Variants in LARGE1 observed in about 807,000 individuals in gnomAD.
LARGE1 encodes xylosyl- and glucuronyltransferase LARGE1.
Under a neutral mutation model 87.6 loss-of-function variants are expected in LARGE1, and 43 were observed. The observed-to-expected ratio is 0.49, with a 90% confidence interval of 0.38 to 0.63. LARGE1 has a LOEUF of 0.63. Ranked by LOEUF, LARGE1 falls within the 30% of genes least tolerant of loss-of-function variation. The probability of loss-of-function intolerance (pLI) is 0.00; values close to 1 mark genes in which losing one functional copy is unlikely to be tolerated. For missense variants in LARGE1, 802 were observed against 1,000.2 expected, an observed-to-expected ratio of 0.80 and a Z score of 2.67; for synonymous variants, 434 against 394.6, an observed-to-expected ratio of 1.10 and a Z score of -1.18.
intron 11 of LARGE1, among the ~76,000 whole-genome samples, chr22:33,310,183 T>C (rs8139322): frequency 0.16 from 23,654 of 152,044 alleles, 2,026 homozygotes; most frequent in South Asian, 0.24. Context: ...TGTTGCTGGT[T>C]CCAGGAGCAG....
rs8138235 is a variant in LARGE1, at chr22:33,336,358, G to A, written c.1287+1288C>T. On this transcript the variant is annotated intron_variant, in intron 10 of 14. Coordinates refer to ENST00000397394, the MANE Select transcript of LARGE1 (RefSeq NM_133642.5). The stretch of plus-strand genomic sequence containing the variant: ...TGGGATTATAGGTGCCTGCCACCAT[G>A]CCTGGTAATTTTTGTATTTTTAGTA... Among the ~76,000 whole-genome samples, 1,091 of 152,038 alleles carry A rather than the reference G, an allele frequency of 7.2e-3. 9 individuals are homozygous for A. The highest frequency in any genetic ancestry group is 0.024 in the African/African-American group (983 of 41,456).
intron 2 of LARGE1, among the ~76,000 whole-genome samples, chr22:33,667,902 TTTATC>T (rs2081311908): frequency 6.6e-6 from 1 of 152,226 alleles, no homozygotes; most frequent in South Asian, 2.1e-4. Flanking sequence ...GCCACACACT[TTTATC>T]TTTTCTTTTT....
intron 11 of LARGE1, among the ~76,000 whole-genome samples, chr22:33,185,446 T>G (rs1239170593): frequency 6.6e-6 from 1 of 152,162 alleles, no homozygotes; most frequent in Non-Finnish European, 1.5e-5. Context: ...TTTAGGGCAG[T>G]TAAACTATGT....
At chr22:33,178,420 T>C (rs775583997) in intron 11 of LARGE1, among the ~76,000 whole-genome samples, 1 of 152,150 alleles carries the variant, frequency 6.6e-6, no homozygotes, top group Non-Finnish European at 1.5e-5. Flanking sequence ...GTGAAGGTGA[T>C]ACTCATGAAG....
chr22:33,269,252 T>C (rs1928119050), downstream of LARGE1, among the ~76,000 whole-genome samples: 1 of 152,232 alleles, frequency 6.6e-6, no homozygotes, highest in Non-Finnish European at 1.5e-5. Context: ...CCTTGCAATT[T>C]TCCTGTTAGT....
intron 2 of LARGE1, among the ~76,000 whole-genome samples, chr22:33,700,511 C>T (rs930312412): frequency 1.3e-5 from 2 of 152,084 alleles, no homozygotes; most frequent in Admixed American, 6.5e-5. Flanking sequence ...GGCGGGGGTG[C>T]CAGAACTATG....
At chr22:33,491,846 G>A in intron 6 of LARGE1, among the ~76,000 whole-genome samples, 1 of 152,160 alleles carries the variant, frequency 6.6e-6, no homozygotes, top group Non-Finnish European at 1.5e-5. Context: ...TTCAAGATGT[G>A]GCTAAATTAC....
chr22:33,281,731 G>C (rs1930480344), intron 13 of LARGE1, among the ~76,000 whole-genome samples: 1 of 152,186 alleles, frequency 6.6e-6, no homozygotes, highest in Non-Finnish European at 1.5e-5. Flanking sequence ...ATTCTGGATA[G>C]AGGAAGAAGC....
intron 11 of LARGE1, among the ~76,000 whole-genome samples, chr22:33,201,677 G>A (rs1414023100): frequency 2.6e-5 from 4 of 152,150 alleles, no homozygotes; most frequent in Admixed American, 6.5e-5. Context: ...AGTGTGGCCT[G>A]AGTAAAGAAA....
intron 6 of LARGE1, among the ~76,000 whole-genome samples, chr22:33,452,637 G>C (rs2067978577): frequency 6.6e-6 from 1 of 152,194 alleles, no homozygotes; most frequent in Non-Finnish European, 1.5e-5. Flanking sequence ...AATCGGTGAG[G>C]AAGGCCACAC....
At chr22:33,389,538 G>T (rs755032230) in intron 7 of LARGE1, among the ~76,000 whole-genome samples, 4 of 152,210 alleles carry the variant, frequency 2.6e-5, no homozygotes, top group Non-Finnish European at 4.4e-5. Flanking sequence ...GACTACAACA[G>T]AATCTGTTTT....
At chr22:33,559,335 C>A in intron 6 of LARGE1, among the ~76,000 whole-genome samples, 1 of 152,192 alleles carries the variant, frequency 6.6e-6, no homozygotes, top group Admixed American at 6.5e-5. Flanking sequence ...GCACACACCA[C>A]CACGCCCAGC....
At chr22:33,696,107 G>A (rs932517254) in intron 2 of LARGE1, among the ~76,000 whole-genome samples, 2 of 152,014 alleles carry the variant, frequency 1.3e-5, no homozygotes, top group African/African-American at 4.8e-5. Context: ...TGATATTAAC[G>A]GAACACAAAT....
intron 11 of LARGE1, among the ~76,000 whole-genome samples, chr22:33,244,068 A>C (rs1056011667): frequency 5.3e-5 from 8 of 152,116 alleles, no homozygotes; most frequent in African/African-American, 1.9e-4. Context: ...GGCTCACTGT[A>C]AGCTCCGCCT....
intron 6 of LARGE1, among the ~76,000 whole-genome samples, chr22:33,545,502 C>T (rs1312974714): frequency 2.0e-5 from 3 of 151,694 alleles, no homozygotes; most frequent in Admixed American, 6.6e-5. Flanking sequence ...AGTGCAGTGG[C>T]ACGATCTCAG....
intron 1 of LARGE1, among the ~76,000 whole-genome samples, chr22:33,784,866 C>T (rs555963717): frequency 1.3e-4 from 19 of 150,114 alleles, no homozygotes; most frequent in African/African-American, 2.4e-4. Context: ...TATATTTGTA[C>T]GTATTTATAC....
chr22:33,581,226 GA>G (rs1323540046), intron 5 of LARGE1, among the ~76,000 whole-genome samples: 3 of 152,142 alleles, frequency 2.0e-5, no homozygotes, highest in Non-Finnish European at 2.9e-5. Flanking sequence ...TGACCTTCAG[GA>G]AAATCACTGT....
intron 1 of LARGE1, among the ~76,000 whole-genome samples, chr22:33,775,532 A>C (rs2085206089): frequency 6.6e-6 from 1 of 152,044 alleles, no homozygotes. Context: ...GACATTTGGC[A>C]ATGTGAAGAC....
intron 2 of LARGE1, among the ~76,000 whole-genome samples, chr22:33,654,377 C>A (rs891799030): frequency 2.0e-5 from 3 of 152,296 alleles, no homozygotes; most frequent in African/African-American, 4.8e-5. Flanking sequence ...AAAGGCGGGG[C>A]CCTGGAGATG....
Sources: allele counts gnomAD v4.1 joint callset (sites outside exome capture counted in the v4.1 genomes callset), GRCh38; gene constraint gnomAD v4.1.1; transcripts MANE v1.5; gene names NCBI Gene and HGNC (gene_info 2026-07-23, HGNC 2026-07-21).